Variants in ITCH observed in about 807,000 individuals in gnomAD.
The protein encoded by ITCH is E3 ubiquitin-protein ligase Itchy homolog.
In ITCH, 28 loss-of-function variants were observed where a neutral mutation model predicts 126.8. That is an observed-to-expected ratio of 0.22 (90% CI 0.16 to 0.30). The LOEUF (loss-of-function observed/expected upper bound fraction) is 0.30. Among genes scored for constraint, ITCH ranks in the 10% least tolerant of loss-of-function variants. The probability of loss-of-function intolerance (pLI) is 1.00; values close to 1 mark genes in which losing one functional copy is unlikely to be tolerated. For missense variants in ITCH, 631 were observed against 1,032.4 expected, an observed-to-expected ratio of 0.61 and a Z score of 5.33; for synonymous variants, 342 against 340.0, an observed-to-expected ratio of 1.01 and a Z score of -0.06.
chr20:34,400,069 G>A (rs2038819310), intron 3 of ITCH, among the ~76,000 whole-genome samples: 2 of 152,010 alleles, frequency 1.3e-5, no homozygotes, highest in East Asian at 3.9e-4. Flanking sequence ...CTCCTGAGTA[G>A]CTGGGATTAC....
Position 34,511,497 on chromosome 20 carries a change from C to T in ITCH, c.*3703C>T, listed in dbSNP as rs1978807275. On this transcript the variant is annotated 3_prime_UTR_variant, in exon 25 of 25. Coordinates refer to ENST00000374864, the MANE Select transcript of ITCH (RefSeq NM_031483.7). ...TGTGACCAGGTCACATAGATTTCTG[C>T]CTCTCTGCTTTTTTAAGTGGCAAGT... 2 of 152,192 alleles carry T rather than the reference C, an allele frequency of 1.3e-5. No individual in the cohort carries two copies. Among genetic ancestry groups the T allele is most frequent in the African/African-American group, 4.8e-5 (2 of 41,444 alleles). 9.4% of individuals were successfully genotyped at this position (152,192 alleles called of 1,614,324 possible). A position where few individuals can be genotyped will look rare whatever the true frequency, so the allele number is the denominator to read the frequency against.
chr20:34,476,101 T>C (rs1281779314), intron 16 of ITCH: 19 of 937,368 alleles, frequency 2.0e-5, no homozygotes, highest in Non-Finnish European at 3.2e-5. Context: ...ATCTAACTTC[T>C]CATATATGTG....
At chr20:34,457,177 A>G (rs1986086521) in intron 12 of ITCH, among the ~76,000 whole-genome samples, 1 of 152,222 alleles carries the variant, frequency 6.6e-6, no homozygotes, top group Non-Finnish European at 1.5e-5. Context: ...AAGTACGTCT[A>G]CTTAGCTTCT....
intron 12 of ITCH, among the ~76,000 whole-genome samples, chr20:34,453,489 TG>T (rs1200300989): frequency 6.6e-6 from 1 of 152,122 alleles, no homozygotes; most frequent in East Asian, 1.9e-4. Context: ...TCCAGCTACT[TG>T]GGTGGCTGAA....
chr20:34,457,982 T>A lies in ITCH; in HGVS notation c.1295+508T>A, dbSNP rs547982216. Among the ~76,000 whole-genome samples the A allele has an allele frequency of 1.2e-3, 185 of 152,094 alleles. 2 individuals carry two copies. Among genetic ancestry groups the A allele is most frequent in the Middle Eastern group, 6.8e-3 (2 of 294 alleles). On this transcript the variant is annotated intron_variant, in intron 13 of 24. Coordinates refer to ENST00000374864, the MANE Select transcript of ITCH (RefSeq NM_031483.7). ...GAAAACAATAGAAAAGCAAAAAAAA[T>A]TATCTGGCACATGAGAATATACTTA...
intron 2 of ITCH, among the ~76,000 whole-genome samples, chr20:34,390,553 G>A (rs1001935985): frequency 6.5e-5 from 9 of 138,312 alleles, no homozygotes; most frequent in South Asian, 2.4e-4. Flanking sequence ...CAGGTTCAAC[G>A]ATCCTCCCGC....
intron 7 of ITCH, among the ~76,000 whole-genome samples, chr20:34,435,560 T>TG (rs1398481591): frequency 3.9e-5 from 6 of 152,178 alleles, no homozygotes; most frequent in Non-Finnish European, 7.3e-5. Context: ...CTGGGCCCAG[T>TG]GGAAAATTTA....
chr20:34,458,582 A>G (rs893781479), intron 13 of ITCH, among the ~76,000 whole-genome samples: 10 of 152,256 alleles, frequency 6.6e-5, no homozygotes, highest in South Asian at 4.1e-4. Flanking sequence ...TGTATGTCTC[A>G]GGGTTCTGGA....
intron 10 of ITCH, among the ~76,000 whole-genome samples, chr20:34,444,733 A>G (rs771793760): frequency 5.9e-5 from 9 of 152,140 alleles, no homozygotes; most frequent in Non-Finnish European, 1.3e-4. Context: ...CCCCCACCTC[A>G]TAGGTTCAAG....
chr20:34,499,589 T>C (rs1600504879), intron 23 of ITCH, among the ~76,000 whole-genome samples: 1 of 150,088 alleles, frequency 6.7e-6, no homozygotes, highest in Middle Eastern at 3.4e-3. Context: ...TCTTGGTTAG[T>C]TTAGCTAATG....
At chr20:34,408,379 G>A (rs1463159028) in intron 3 of ITCH, among the ~76,000 whole-genome samples, 3 of 152,132 alleles carry the variant, frequency 2.0e-5, no homozygotes, top group Non-Finnish European at 2.9e-5. Flanking sequence ...TGGCCCATAT[G>A]TGTACTTTTT....
chr20:34,397,858 T>C (rs2038729382), intron 3 of ITCH, among the ~76,000 whole-genome samples: 1 of 152,186 alleles, frequency 6.6e-6, no homozygotes, highest in Non-Finnish European at 1.5e-5. Context: ...AAACATTCTG[T>C]ACTTTTTCAG....
intron 3 of ITCH, among the ~76,000 whole-genome samples, chr20:34,403,968 A>G (rs2038969459): frequency 6.6e-6 from 1 of 152,212 alleles, no homozygotes; most frequent in African/African-American, 2.4e-5. Flanking sequence ...GCTGCATACT[A>G]AGCAAGGTAA....
intron 20 of ITCH, among the ~76,000 whole-genome samples, chr20:34,489,060 TATATG>T (rs1478838542): frequency 6.6e-6 from 1 of 152,150 alleles, no homozygotes; most frequent in Admixed American, 6.5e-5. Context: ...GAAATGAAAT[TATATG>T]ATATCTAGGG....
intron 14 of ITCH, among the ~76,000 whole-genome samples, chr20:34,463,411 C>T (rs1044738423): frequency 3.3e-5 from 5 of 152,146 alleles, no homozygotes; most frequent in African/African-American, 1.2e-4. Flanking sequence ...ACTTCGATGA[C>T]TTTTGTATCT....
Position 34,418,952 on chromosome 20 carries a change from A to G in ITCH, c.475+5073A>G, listed in dbSNP as rs148030707. 6.1e-4 allele frequency among the ~76,000 whole-genome samples: 92 copies of G among 151,844 alleles called. 1 individual carries two copies. The East Asian group carries it at 0.017, about 28-fold the overall frequency. ...AATTTTGTATTTTTAGTACAGGTGA[A>G]GTTTCTCCATGTTGGTCAGGCTGGT... is the stretch of plus-strand genomic sequence containing the variant. On this transcript the variant is annotated intron_variant, in intron 6 of 24. Transcript: ENST00000374864.
intron 7 of ITCH, among the ~76,000 whole-genome samples, chr20:34,431,377 C>T (rs758980871): frequency 3.3e-5 from 5 of 152,066 alleles, no homozygotes; most frequent in Non-Finnish European, 7.4e-5. Context: ...TGCGCCATTG[C>T]ACTCCAGCTT....
Position 34,438,525 on chromosome 20 carries a change from TAGG to T in ITCH, c.576_578del (p.Arg193del), listed in dbSNP as rs1983325684. ...CTGAAGATGCAGGAGCTGGTGAAAA[TAGG>T]AGAGTCAGTGGGAATAATTCTCCAT... is the stretch of plus-strand genomic sequence containing the variant. On this transcript the variant is annotated inframe_deletion, in exon 8 of 25. Transcript: ENST00000374864. 1 of 1,613,780 alleles carries T rather than the reference TAGG, an allele frequency of 6.2e-7. No homozygotes were observed. Among genetic ancestry groups the T allele is most frequent in the South Asian group, 1.1e-5 (1 of 91,074 alleles).
intron 4 of ITCH, among the ~76,000 whole-genome samples, chr20:34,410,764 G>A (rs188522674): frequency 1.3e-5 from 2 of 152,342 alleles, no homozygotes; most frequent in East Asian, 3.9e-4. Flanking sequence ...AGTTGAATTA[G>A]ATGGTCACCT....
Sources: gnomAD v4.1 joint callset for allele counts (sites outside exome capture counted in the v4.1 genomes callset) on GRCh38, gnomAD v4.1.1 for gene constraint, MANE v1.5 for transcripts, NCBI Gene and HGNC (gene_info 2026-07-23, HGNC 2026-07-21) for gene names.